CHAC1: variants seen among roughly 807,000 people sequenced by gnomAD.
CHAC1 encodes ChaC glutathione specific gamma-glutamylcyclotransferase 1, also known as glutathione-specific gamma-glutamylcyclotransferase 1.
CHAC1 carries 22 observed loss-of-function variants against 22.1 expected under a neutral mutation model. That is an observed-to-expected ratio of 1.00 (90% CI 0.71 to 1.42). The LOEUF (loss-of-function observed/expected upper bound fraction) is 1.42, where lower values mean the gene tolerates loss of function less well. CHAC1 is among the 40% of genes most tolerant of loss of function. The pLI is 0.00. For synonymous variants in CHAC1, 145 were observed against 128.7 expected, an observed-to-expected ratio of 1.13 and a Z score of -0.86; for missense variants, 272 against 299.2, an observed-to-expected ratio of 0.91 and a Z score of 0.67.
At chr15:40,954,489 C>G (rs1327446943) in intron 2 of CHAC1, among the ~76,000 whole-genome samples, 1 of 152,150 alleles carries the variant, frequency 6.6e-6, no homozygotes, top group African/African-American at 2.4e-5. Flanking sequence ...GCATTCCTAA[C>G]TAGCTTACAG....
In CHAC1 at chr15:40,955,222, A is replaced by G. The variant is rs192535543; in HGVS notation, c.268-151A>G. On this transcript the variant is annotated intron_variant, in intron 2 of 2. Coordinates refer to ENST00000617768, the MANE Select transcript of CHAC1 (RefSeq NM_024111.6). ...AACTGTTCTTAACAAAGAGAGTACA[A>G]GGGCTTGAGGTACTGCCACCAGATG... The G allele has an allele frequency of 1.4e-5, 10 of 730,834 alleles. No homozygotes were observed. In the Admixed American group the frequency reaches 2.5e-4, roughly 18 times the overall value. The allele number at this position is 730,834 out of a possible 1,614,324, so 45.3% of individuals were successfully genotyped here.
rs776155734 is a variant in CHAC1, at chr15:40,953,666, G to A, written c.83G>A (p.Gly28Asp). ...TPSAQFPRNDGDPQALWIFGY... is the reference protein window; with the variant it reads ...TPSAQFPRNDDDPQALWIFGY... ...TCCGCTCAGTTCCCCCGAAACGACG[G>A]CGACCCTCAAGCGCTGTGGATTTTC... The change falls in exon 1 of 3, where the codon GGC becomes GAC. Residue 28 changes from glycine to aspartate, a missense_variant. Gly to Asp is a moderately conservative substitution (Grantham distance 94). Transcript: ENST00000617768. 1.9e-6 allele frequency: 3 copies of A among 1,608,920 alleles called. No individual in the cohort carries two copies. The highest frequency in any genetic ancestry group is 1.7e-6 in the Non-Finnish European group (2 of 1,179,994).
rs114479168 is a variant in CHAC1, at chr15:40,955,315, G to C, written c.268-58G>C. On this transcript the variant is annotated intron_variant, in intron 2 of 2. Transcript: ENST00000617768. Reference sequence around the variant, plus strand: ...GGGTGGGGGTGGCATGTTAGGATAGGAGAGGGAGCAGCAAGGAGCTGTCAT... The same window carrying C: ...GGGTGGGGGTGGCATGTTAGGATAGCAGAGGGAGCAGCAAGGAGCTGTCAT... 85 of 1,583,170 alleles carry C rather than the reference G, an allele frequency of 5.4e-5. 1 individual carries two copies. The African/African-American group carries it at 1.0e-3, about 19-fold the overall frequency.
At position 40,956,095 on chromosome 15, in the gene CHAC1, C is replaced by T. The variant is rs1478642141; in HGVS notation, c.*321C>T. ...CCCCCCAGTGCTGCTGCTAACCCCA[C>T]ACCACCCAGGCCTCCACCTCCCCAG... On this transcript the variant is annotated 3_prime_UTR_variant, in exon 3 of 3. Transcript: ENST00000617768. The T allele has an allele frequency of 2.4e-5, 7 of 290,136 alleles. No individual in the cohort carries two copies. The highest frequency in any genetic ancestry group is 4.5e-5 in the Non-Finnish European group (7 of 154,036). 18.0% of individuals were successfully genotyped at this position (290,136 alleles called of 1,614,324 possible).
chr15:40,955,750 C>T lies in CHAC1; in HGVS notation c.645C>T (p.Thr215=), dbSNP rs75888775. ...CCATGTTGCCCTGCTTCTGCCCCAC[C>T]GAGCAGGCTCTGGCGCTGGTGTGAG... ...VGTMLPCFCP[T]EQALALV The change falls in exon 3 of 3, where the codon ACC becomes ACT. Residue 215 remains threonine, a synonymous_variant. Transcript: ENST00000617768. The T allele has an allele frequency of 2.6e-4, 408 of 1,598,610 alleles. 1 individual carries two copies. The East Asian group carries it at 6.5e-3, about 25-fold the overall frequency.
chr15:40,955,505 C>G lies in CHAC1; in HGVS notation c.400C>G (p.Pro134Ala), dbSNP rs553169541. 6.2e-7 allele frequency: 1 copy of G among 1,614,208 alleles called. No individual in the cohort carries two copies. The highest frequency in any genetic ancestry group is 2.2e-5 in the East Asian group (1 of 44,884). Residue 134 changes from proline (P) to alanine (A), a missense_variant, in exon 3 of 3, where the codon CCT becomes GCT. By Grantham distance (27) the Pro-to-Ala change is conservative. Transcript: ENST00000617768. ...KEVTFYPQDA[P>A]DQPLKALAYV... ...GGTCACCTTCTATCCCCAAGATGCT[C>G]CTGACCAACCACTGAAGGCATTGGC...
In CHAC1 at chr15:40,956,239, G is replaced by A. The variant is rs1893245043; in HGVS notation, c.*465G>A. 1 of 161,832 alleles carries A rather than the reference G, an allele frequency of 6.2e-6. No individual in the cohort carries two copies. The highest frequency in any genetic ancestry group is 1.4e-5 in the Non-Finnish European group (1 of 73,238). 10.0% of individuals were successfully genotyped at this position (161,832 alleles called of 1,614,324 possible). A position where few individuals can be genotyped will look rare whatever the true frequency, so the allele number is the denominator to read the frequency against. On this transcript the variant is annotated 3_prime_UTR_variant, in exon 3 of 3. Coordinates refer to ENST00000617768, the MANE Select transcript of CHAC1 (RefSeq NM_024111.6). ...AGGGATAGTAGGGCATGAGGAGAAG[G>A]AGCCCTGTAAGGACTGAGGCCCCGG...
chr15:40,954,406 C>A, intron 2 of CHAC1, 143 bp downstream of exon 2: 1 of 815,140 alleles, frequency 1.2e-6, no homozygotes, highest in East Asian at 2.5e-5. Context: ...CAGTGCTTCT[C>A]ACCAAATCAC....
rs1163808411 is a variant in CHAC1 at position 40,953,524 on chromosome 15, C to T, written c.-60C>T. ...AGGTGTGTGCGTCCGTCGGTCTTTC[C>T]GTGCCCACGCCGGAGACCAGCCCCG... is the stretch of plus-strand genomic sequence containing the variant. On this transcript the variant is annotated 5_prime_UTR_variant, in exon 1 of 3. Transcript: ENST00000617768. 6.2e-7 allele frequency: 1 copy of T among 1,603,584 alleles called. No homozygotes were observed. Among genetic ancestry groups the T allele is most frequent in the Non-Finnish European group, 8.5e-7 (1 of 1,177,722 alleles).
Position 40,953,679 on chromosome 15 carries a change from G to A in CHAC1, c.96G>A (p.Ala32=), listed in dbSNP as rs763601952. The change falls in exon 1 of 3, where the codon GCG becomes GCA. Residue 32 remains alanine, a synonymous_variant. Transcript: ENST00000617768. ...QFPRNDGDPQ[A]LWIFGYGSLV... is the part of the protein sequence containing the mutation. The stretch of plus-strand genomic sequence containing the variant: ...CCCGAAACGACGGCGACCCTCAAGC[G>A]CTGTGGATTTTCGGGTACGGCTCCC... 5 of 1,608,436 alleles carry A rather than the reference G, an allele frequency of 3.1e-6. No homozygotes were observed. Among genetic ancestry groups the A allele is most frequent in the Middle Eastern group, 1.6e-4 (1 of 6,062 alleles).
At chr15:40,954,141 G>C (rs1346110078) in intron 1 of CHAC1, 87 bp from the exon 2 acceptor site, 1 of 1,438,826 alleles carries the variant, frequency 7.0e-7, no homozygotes, top group Non-Finnish European at 9.7e-7. Context: ...TTGGAGGCCC[G>C]GGTCAGCGGG....
At chr15:40,954,396 C>A in intron 2 of CHAC1, 133 bp downstream of exon 2, 1 of 878,888 alleles carries the variant, frequency 1.1e-6, no homozygotes. Context: ...TGTTCTAGCT[C>A]AGTGCTTCTC....
In CHAC1 at chr15:40,955,526, T is replaced by C. The variant is rs200398357; in HGVS notation, c.421T>C (p.Leu141=). 5.8e-5 allele frequency: 93 copies of C among 1,614,190 alleles called. No individual in the cohort carries two copies. Among genetic ancestry groups the C allele is most frequent in the Non-Finnish European group, 6.7e-5 (79 of 1,180,030 alleles). The change falls in exon 3 of 3, where the codon TTG becomes CTG. Residue 141 remains leucine, a synonymous_variant. Coordinates refer to ENST00000617768, the MANE Select transcript of CHAC1 (RefSeq NM_024111.6). ...QDAPDQPLKA[L]AYVATPQNPG... is the part of the protein sequence containing the mutation. ...TGCTCCTGACCAACCACTGAAGGCATTGGCCTATGTGGCCACCCCACAGAA... is the reference window on the plus strand; with the variant it reads ...TGCTCCTGACCAACCACTGAAGGCACTGGCCTATGTGGCCACCCCACAGAA...
Position 40,953,569 on chromosome 15 carries a change from C to T in CHAC1, c.-15C>T, listed in dbSNP as rs749227944. The T allele has an allele frequency of 1.2e-6, 2 of 1,609,666 alleles. No individual in the cohort carries two copies. The highest frequency in any genetic ancestry group is 1.7e-6 in the Non-Finnish European group (2 of 1,179,860). On this transcript the variant is annotated 5_prime_UTR_variant, in exon 1 of 3. Coordinates refer to ENST00000617768, the MANE Select transcript of CHAC1 (RefSeq NM_024111.6). ...GCCCCGGAGGCCGCCTGGGCCTATC[C>T]CTGTGCCAGGCACCATGAAGCAGGA... is the stretch of plus-strand genomic sequence containing the variant.
chr15:40,954,548 C>G (rs1042111802), intron 2 of CHAC1, among the ~76,000 whole-genome samples: 1 of 151,770 alleles, frequency 6.6e-6, no homozygotes, highest in Non-Finnish European at 1.5e-5. Context: ...ATCCTGTCTT[C>G]CCTGGTACTA....
In CHAC1 at chr15:40,955,808, A is replaced by T; in HGVS notation, c.*34A>T. The T allele has an allele frequency of 6.5e-7, 1 of 1,544,382 alleles. No individual in the cohort carries two copies. Among genetic ancestry groups the T allele is most frequent in the Non-Finnish European group, 8.7e-7 (1 of 1,150,662 alleles). On this transcript the variant is annotated 3_prime_UTR_variant, in exon 3 of 3. Coordinates refer to ENST00000617768, the MANE Select transcript of CHAC1 (RefSeq NM_024111.6). ...GCCCCTGCGGGGAGTGCTCATGTGGACATCAGGGCCAGACACCCACTCCAG... is the reference window on the plus strand; with the variant it reads ...GCCCCTGCGGGGAGTGCTCATGTGGTCATCAGGGCCAGACACCCACTCCAG...
chr15:40,953,794 C>A lies in CHAC1; in HGVS notation c.211C>A (p.His71Asn). The A allele has an allele frequency of 6.3e-7, 1 of 1,593,924 alleles. No individual in the cohort carries two copies. The highest frequency in any genetic ancestry group is 8.5e-7 in the Non-Finnish European group (1 of 1,176,150). ...CCGTTTCTGGCAGGGAGACACCTTCCATCGGGGCAGCGACAAGATGGTGAG... is the reference window on the plus strand; with the variant it reads ...CCGTTTCTGGCAGGGAGACACCTTCAATCGGGGCAGCGACAAGATGGTGAG... ...SRRFWQGDTF[H>N]RGSDKMPGRV... Residue 71 changes from histidine (H) to asparagine (N), a missense_variant, in exon 1 of 3, where the codon CAT (histidine) becomes AAT (asparagine). By Grantham distance (68) the His-to-Asn change is moderately conservative. Coordinates refer to ENST00000617768, the MANE Select transcript of CHAC1 (RefSeq NM_024111.6).
At chr15:40,954,330 T>C in intron 2 of CHAC1, 67 bp downstream of exon 2, 4 of 1,530,384 alleles carry the variant, frequency 2.6e-6, no homozygotes, top group African/African-American at 1.4e-5. Flanking sequence ...AGAGAGCTCA[T>C]AGGCTCTTGG....
Position 40,953,761 on chromosome 15 carries a change from T to C in CHAC1, c.178T>C (p.Tyr60His), listed in dbSNP as rs143317285. Residue 60 changes from tyrosine (Y) to histidine (H), a missense_variant, in exon 1 of 3, where the codon TAC becomes CAC. Coordinates refer to ENST00000617768, the MANE Select transcript of CHAC1 (RefSeq NM_024111.6). ...SDSRVGFVRG[Y>H]SRRFWQGDTF... is the part of the protein sequence containing the mutation. The stretch of plus-strand genomic sequence containing the variant: ...CAGCCGTGTGGGCTTCGTGCGCGGC[T>C]ACAGCCGCCGTTTCTGGCAGGGAGA... 6.5e-4 allele frequency: 1,039 copies of C among 1,599,902 alleles called. 1 individual carries two copies. Among genetic ancestry groups the C allele is most frequent in the Admixed American group, 8.2e-4 (49 of 59,942 alleles).
Sources: allele counts gnomAD v4.1 joint callset (sites outside exome capture counted in the v4.1 genomes callset), GRCh38; gene constraint gnomAD v4.1.1; transcripts MANE v1.5; gene names NCBI Gene and HGNC (gene_info 2026-07-23, HGNC 2026-07-21).